Variants in NELL1 observed in about 807,000 individuals in gnomAD.
The protein encoded by NELL1 is neural EGFL like 1, also known as protein kinase C-binding protein NELL1.
NELL1 carries 76 observed loss-of-function variants against 107.4 expected under a neutral mutation model. That is an observed-to-expected ratio of 0.71 (90% CI 0.59 to 0.86). NELL1 has a LOEUF of 0.86. Among genes scored for constraint, NELL1 ranks in the 40% least tolerant of loss-of-function variants. The pLI, the probability that NELL1 is intolerant of heterozygous loss-of-function variation, is 0.00. For missense variants in NELL1, 1,024 were observed against 1,005.5 expected, an observed-to-expected ratio of 1.02 and a Z score of -0.25; for synonymous variants, 353 against 341.2, an observed-to-expected ratio of 1.03 and a Z score of -0.38.
intron 14 of NELL1, among the ~76,000 whole-genome samples, chr11:21,302,450 A>C (rs554396405): frequency 2.6e-5 from 4 of 152,156 alleles, no homozygotes; most frequent in Non-Finnish European, 4.4e-5. Context: ...CATGAATTAC[A>C]TTTGATGATG....
rs763952618 is a variant in NELL1, at chr11:20,927,286, A to G, written c.760-22A>G. ...GATGCAATTGAATTACAGAAATTAC[A>G]TTCAGTAACTCTTGTTTGCAGCTAA... On this transcript the variant is annotated intron_variant, in intron 7 of 19. Coordinates refer to ENST00000357134, the MANE Select transcript of NELL1 (RefSeq NM_006157.5). 44 of 1,587,596 alleles carry G rather than the reference A, an allele frequency of 2.8e-5. No individual in the cohort carries two copies. In the Admixed American group the frequency reaches 7.5e-4, roughly 27 times the overall value.
chr11:21,418,295 C>G (rs1216291663), intron 15 of NELL1, among the ~76,000 whole-genome samples: 3 of 151,988 alleles, frequency 2.0e-5, no homozygotes, highest in Non-Finnish European at 4.4e-5. Context: ...GCTAAGGGAG[C>G]TGTGGAAGAA....
intron 12 of NELL1, among the ~76,000 whole-genome samples, chr11:21,038,185 T>C (rs1233237181): frequency 6.6e-6 from 1 of 152,166 alleles, no homozygotes; most frequent in Non-Finnish European, 1.5e-5. Flanking sequence ...TATTAATATA[T>C]GAGCCACGAG....
intron 7 of NELL1, among the ~76,000 whole-genome samples, chr11:20,922,924 T>A (rs1016775717): frequency 6.6e-6 from 1 of 152,134 alleles, no homozygotes; most frequent in Admixed American, 6.6e-5. Flanking sequence ...TGTCATTCAA[T>A]AGGTGGTGGC....
intron 14 of NELL1, among the ~76,000 whole-genome samples, chr11:21,296,047 A>T (rs958718344): frequency 6.6e-5 from 10 of 152,082 alleles, no homozygotes; most frequent in African/African-American, 2.4e-5. Flanking sequence ...ATAGATGTAA[A>T]TGAATAAATG....
At chr11:21,562,813 T>A (rs1180888084) in intron 17 of NELL1, among the ~76,000 whole-genome samples, 1 of 152,076 alleles carries the variant, frequency 6.6e-6, no homozygotes, top group Non-Finnish European at 1.5e-5. Context: ...AGGTCAAGAC[T>A]TACTGCTGAA....
At chr11:20,748,632 C>G (rs967610159) in intron 2 of NELL1, among the ~76,000 whole-genome samples, 9 of 152,066 alleles carry the variant, frequency 5.9e-5, no homozygotes, top group African/African-American at 2.2e-4. Context: ...TAGCTTATCT[C>G]TCACTTATAA....
At chr11:20,886,231 G>A (rs537233601) in intron 5 of NELL1, among the ~76,000 whole-genome samples, 3 of 151,882 alleles carry the variant, frequency 2.0e-5, no homozygotes, top group Non-Finnish European at 2.9e-5. Context: ...ACAAACCTGC[G>A]TGTGTACCCC....
intron 13 of NELL1, among the ~76,000 whole-genome samples, chr11:21,193,634 G>A (rs1857092219): frequency 6.6e-6 from 1 of 151,908 alleles, no homozygotes; most frequent in Non-Finnish European, 1.5e-5. Flanking sequence ...AGGGAAGTTT[G>A]TGACTAGGAG....
chr11:20,752,532 A>G (rs1856164703), intron 2 of NELL1, among the ~76,000 whole-genome samples: 1 of 152,200 alleles, frequency 6.6e-6, no homozygotes, highest in Non-Finnish European at 1.5e-5. Flanking sequence ...CTCAGCAACA[A>G]GAGTGAAACT....
At chr11:20,800,526 C>T (rs1857261343) in intron 3 of NELL1, among the ~76,000 whole-genome samples, 2 of 152,096 alleles carry the variant, frequency 1.3e-5, no homozygotes, top group African/African-American at 2.4e-5. Flanking sequence ...GTCTTTTGTC[C>T]ATTTTTAAAT....
intron 14 of NELL1, among the ~76,000 whole-genome samples, chr11:21,367,784 A>G (rs1851262144): frequency 6.6e-6 from 1 of 152,058 alleles, no homozygotes; most frequent in Admixed American, 6.6e-5. Context: ...GCTGTAGTTC[A>G]TACAGTTAAT....
At chr11:21,341,274 G>A (rs1450229444) in intron 14 of NELL1, among the ~76,000 whole-genome samples, 2 of 152,178 alleles carry the variant, frequency 1.3e-5, no homozygotes, top group African/African-American at 4.8e-5. Context: ...TCAGGAAAGG[G>A]AGAGTTACAC....
chr11:21,116,132 ACT>A (rs1240009078), intron 13 of NELL1, among the ~76,000 whole-genome samples: 1 of 151,746 alleles, frequency 6.6e-6, no homozygotes, highest in Admixed American at 6.6e-5. Flanking sequence ...CCATTTATGA[ACT>A]CTGTTTTGCT....
intron 2 of NELL1, among the ~76,000 whole-genome samples, chr11:20,721,266 GTGT>G (rs1207835582): frequency 7.1e-6 from 1 of 140,742 alleles, no homozygotes; most frequent in African/African-American, 2.7e-5. Context: ...GTTTGTTGTT[GTGT>G]TGTTATGGTA....
chr11:21,507,730 T>C (rs996220190), intron 15 of NELL1, among the ~76,000 whole-genome samples: 2 of 149,874 alleles, frequency 1.3e-5, no homozygotes, highest in Non-Finnish European at 3.0e-5. Context: ...AAATGAGAAA[T>C]AAAAAATAAA....
chr11:20,797,301 G>T (rs931583122), intron 3 of NELL1, among the ~76,000 whole-genome samples: 1 of 151,932 alleles, frequency 6.6e-6, no homozygotes, highest in African/African-American at 2.4e-5. Flanking sequence ...GCGGTGGCTC[G>T]CGCCTGTAAT....
chr11:21,413,079 A>C (rs904410665), intron 15 of NELL1, among the ~76,000 whole-genome samples: 1 of 152,090 alleles, frequency 6.6e-6, no homozygotes, highest in Non-Finnish European at 1.5e-5. Context: ...AACATATGAG[A>C]AACTTTATTA....
At position 21,009,005 on chromosome 11, in the gene NELL1, G is replaced by T. The variant is rs572018232; in HGVS notation, c.1300+48445G>T. Among the ~76,000 whole-genome samples, 35 of 152,212 alleles carry T rather than the reference G, an allele frequency of 2.3e-4. No individual in the cohort carries two copies. In the South Asian group the frequency reaches 7.1e-3, roughly 31 times the overall value. ...CAGGTTCATCAGGGAGAGGGCAACT[G>T]TGGCAATTTGATTGGTGGGACATGA... On this transcript the variant is annotated intron_variant, in intron 12 of 19. Coordinates refer to ENST00000357134, the MANE Select transcript of NELL1 (RefSeq NM_006157.5).
Sources: allele counts gnomAD v4.1 joint callset (sites outside exome capture counted in the v4.1 genomes callset), GRCh38; gene constraint gnomAD v4.1.1; transcripts MANE v1.5; gene names NCBI Gene and HGNC (gene_info 2026-07-23, HGNC 2026-07-21).